ANKRD50: variants seen among roughly 807,000 people sequenced by gnomAD.
The protein encoded by ANKRD50 is ankyrin repeat domain 50.
ANKRD50 carries 40 observed loss-of-function variants against 112.0 expected under a neutral mutation model. The observed-to-expected ratio is 0.36, with a 90% confidence interval of 0.28 to 0.46. The LOEUF is 0.46. Ranked by LOEUF, ANKRD50 falls within the 20% of genes least tolerant of loss-of-function variation. The pLI, the probability that ANKRD50 is intolerant of heterozygous loss-of-function variation, is 1.00. For missense variants in ANKRD50, 1,487 were observed against 1,701.7 expected, an observed-to-expected ratio of 0.87 and a Z score of 2.22; for synonymous variants, 613 against 619.1, an observed-to-expected ratio of 0.99 and a Z score of 0.15.
intron 2 of ANKRD50, 47 bp downstream of exon 2, chr4:124,709,953 T>C (rs752698635): frequency 3.7e-5 from 58 of 1,549,364 alleles, no homozygotes; most frequent in Non-Finnish European, 4.7e-5. Flanking sequence ...AAAAATTAAT[T>C]TAATTTCAGC....
chr4:124,678,351 G>A lies in ANKRD50; in HGVS notation c.742+325C>T, dbSNP rs189035706. 7.9e-5 allele frequency among the ~76,000 whole-genome samples: 12 copies of A among 152,082 alleles called. 1 individual carries two copies. In the South Asian group the frequency reaches 2.5e-3, roughly 32 times the overall value. ...TGTGCTTTTATATATTACATAGACT[G>A]TAATCTCAAACATCAGAAAAAGGTT... On this transcript the variant is annotated intron_variant, in intron 3 of 4. Transcript: ENST00000504087.
intron 2 of ANKRD50, among the ~76,000 whole-genome samples, chr4:124,688,817 T>C (rs569838229): frequency 2.0e-5 from 3 of 152,286 alleles, no homozygotes; most frequent in South Asian, 2.1e-4. Flanking sequence ...TGACCAACAA[T>C]TGGCGCCTTA....
chr4:124,696,154 AAAG>A (rs1560829151), intron 2 of ANKRD50, among the ~76,000 whole-genome samples: 1 of 152,088 alleles, frequency 6.6e-6, no homozygotes, highest in African/African-American at 2.4e-5. Flanking sequence ...AAAAATAGAT[AAAG>A]AATTATAATT....
At chr4:124,707,225 G>T (rs1725526350) in intron 2 of ANKRD50, among the ~76,000 whole-genome samples, 2 of 151,762 alleles carry the variant, frequency 1.3e-5, no homozygotes, top group Admixed American at 1.3e-4. Context: ...TCAAAATATT[G>T]TAACTCTTTG....
In ANKRD50 at chr4:124,666,253, C is replaced by G. The variant is rs1156784113; in HGVS notation, c.*1265G>C. On this transcript the variant is annotated 3_prime_UTR_variant, in exon 5 of 5. Coordinates refer to ENST00000504087, the MANE Select transcript of ANKRD50 (RefSeq NM_020337.3). ...TGCTCATTTGAACCAATTTTACCTTCCTTGTCATGAATTTCTCTCTTAACC... is the reference window on the plus strand; with the variant it reads ...TGCTCATTTGAACCAATTTTACCTTGCTTGTCATGAATTTCTCTCTTAACC... The G allele has an allele frequency of 6.6e-6, 1 of 152,460 alleles. No homozygotes were observed. Among genetic ancestry groups the G allele is most frequent in the Non-Finnish European group, 1.5e-5 (1 of 67,928 alleles). 9.4% of individuals were successfully genotyped at this position (152,460 alleles called of 1,614,324 possible).
rs780715353 is a variant in ANKRD50, at chr4:124,670,157, A to G, written c.3120T>C (p.His1040=). The G allele has an allele frequency of 6.2e-7, 1 of 1,612,052 alleles. No homozygotes were observed. The highest frequency in any genetic ancestry group is 2.2e-5 in the East Asian group (1 of 44,836). Reference sequence around the variant, plus strand: ...GTGCAGTTGCACCTTGGTTACATGTATGGTCAACTACAGCACCATGCTCAA... The same window carrying G: ...GTGCAGTTGCACCTTGGTTACATGTGTGGTCAACTACAGCACCATGCTCAA... ...LLIEHGAVVD[H]TCNQGATALC... Residue 1040 remains histidine (H), a synonymous_variant, in exon 4 of 5, where the codon CAT becomes CAC. Transcript: ENST00000504087.
intron 2 of ANKRD50, among the ~76,000 whole-genome samples, chr4:124,691,632 G>C (rs1364853288): frequency 1.5e-4 from 23 of 151,772 alleles, no homozygotes. Flanking sequence ...TTTGTAGCAA[G>C]GATTTCCCAT....
intron 2 of ANKRD50, among the ~76,000 whole-genome samples, chr4:124,689,229 T>C (rs1725077821): frequency 6.6e-6 from 1 of 152,174 alleles, no homozygotes; most frequent in South Asian, 2.1e-4. Context: ...TATAAATATT[T>C]ATGGAATGAA....
Position 124,669,809 on chromosome 4 carries a change from C to A in ANKRD50, c.3468G>T (p.Gly1156=), listed in dbSNP as rs1730588963. ...AAGGAGAACTAAAAGCATGAGTAGG[C>A]CCATTAGGTAAACCACGTAACGAAG... ...MQPSLRGLPN[G]PTHAFSSPSE... Residue 1156 remains glycine (G), a synonymous_variant, in exon 4 of 5, where the codon GGG becomes GGT. Coordinates refer to ENST00000504087, the MANE Select transcript of ANKRD50 (RefSeq NM_020337.3). 1 of 1,613,002 alleles carries A rather than the reference C, an allele frequency of 6.2e-7. No homozygotes were observed. The highest frequency in any genetic ancestry group is 8.5e-7 in the Non-Finnish European group (1 of 1,179,656).
At chr4:124,709,376 G>GA (rs1725577470) in intron 2 of ANKRD50, among the ~76,000 whole-genome samples, 1 of 151,904 alleles carries the variant, frequency 6.6e-6, no homozygotes, top group South Asian at 2.1e-4. Context: ...CTGAAGTTAG[G>GA]AAAAAACACT....
Position 124,710,791 on chromosome 4 carries a change from A to C in ANKRD50, c.-280T>G, listed in dbSNP as rs1197692644. On this transcript the variant is annotated 5_prime_UTR_variant, in exon 2 of 5. Coordinates refer to ENST00000504087, the MANE Select transcript of ANKRD50 (RefSeq NM_020337.3). ...TTCCTAAATTTTAATGAGTCACATA[A>C]CTCCATGGTTATAACTGGAGTTTAT... 2.1e-5 allele frequency: 10 copies of C among 485,124 alleles called. No homozygotes were observed. The highest frequency in any genetic ancestry group is 3.3e-5 in the Non-Finnish European group (9 of 274,490). The allele number at this position is 485,124 out of a possible 1,614,324, so 30.1% of individuals were successfully genotyped here. A position where few individuals can be genotyped will look rare whatever the true frequency, so the allele number is the denominator to read the frequency against.
chr4:124,687,882 C>T (rs1725043852), intron 2 of ANKRD50, among the ~76,000 whole-genome samples: 1 of 152,196 alleles, frequency 6.6e-6, no homozygotes, highest in African/African-American at 2.4e-5. Flanking sequence ...TGGTGCAGAG[C>T]AATGGCATAG....
At chr4:124,704,909 A>T (rs1482535845) in intron 2 of ANKRD50, among the ~76,000 whole-genome samples, 1 of 152,186 alleles carries the variant, frequency 6.6e-6, no homozygotes, top group Non-Finnish European at 1.5e-5. Context: ...CTTGGCTAAC[A>T]TGGTGAAACC....
intron 2 of ANKRD50, among the ~76,000 whole-genome samples, chr4:124,705,394 C>T (rs982092830): frequency 6.6e-6 from 1 of 152,136 alleles, no homozygotes; most frequent in Admixed American, 6.5e-5. Flanking sequence ...TACACTTAAC[C>T]CGTGTTACCC....
Position 124,672,543 on chromosome 4 carries a change from G to C in ANKRD50, c.743-9C>G. 6.4e-7 allele frequency: 1 copy of C among 1,552,824 alleles called. No homozygotes were observed. The highest frequency in any genetic ancestry group is 2.3e-5 in the East Asian group (1 of 43,990). On this transcript the variant is annotated splice_polypyrimidine_tract_variant and intron_variant, in intron 3 of 4. Transcript: ENST00000504087. ...ACTTATTTTTCGAAAACCTAAAGAA[G>C]AGATAAAAAAGTAGATGTAATCAGT...
intron 2 of ANKRD50, among the ~76,000 whole-genome samples, chr4:124,699,226 CA>C (rs1725329183): frequency 7.0e-6 from 1 of 143,474 alleles, no homozygotes; most frequent in South Asian, 2.2e-4. Flanking sequence ...TAAAACAAGA[CA>C]GAAAATTCAG....
intron 2 of ANKRD50, among the ~76,000 whole-genome samples, chr4:124,679,643 C>T (rs1724829390): frequency 6.6e-6 from 1 of 152,152 alleles, no homozygotes; most frequent in Non-Finnish European, 1.5e-5. Context: ...GCAGATACAA[C>T]AGTGAAGAGG....
chr4:124,669,328 C>T lies in ANKRD50; in HGVS notation c.3949G>A (p.Ala1317Thr). 6.2e-7 allele frequency: 1 copy of T among 1,613,706 alleles called. No individual in the cohort carries two copies. The highest frequency in any genetic ancestry group is 8.5e-7 in the Non-Finnish European group (1 of 1,179,816). The change falls in exon 4 of 5, where the codon GCA (alanine) becomes ACA (threonine). Residue 1317 changes from alanine to threonine, a missense_variant. Physicochemically the swap from Ala to Thr is moderately conservative, Grantham distance 58 (BLOSUM62 0). Coordinates refer to ENST00000504087, the MANE Select transcript of ANKRD50 (RefSeq NM_020337.3). ...TCTGCTGGCATTTGTTTAGGTGGTGCAGCAGTCCCGGATTTGGCTATAGGT... is the reference window on the plus strand; with the variant it reads ...TCTGCTGGCATTTGTTTAGGTGGTGTAGCAGTCCCGGATTTGGCTATAGGT... ...RGPIAKSGTA[A>T]PPKQMPAESQ...
At position 124,672,462 on chromosome 4, in the gene ANKRD50, T is replaced by A. The variant is rs564882037; in HGVS notation, c.815A>T (p.His272Leu). 1 of 1,612,116 alleles carries A rather than the reference T, an allele frequency of 6.2e-7. No homozygotes were observed. Among genetic ancestry groups the A allele is most frequent in the Non-Finnish European group, 8.5e-7 (1 of 1,179,188 alleles). Reference protein sequence around the residue: ...IVKDVQQYILHRLDQEEALRQ... With the variant: ...IVKDVQQYILLRLDQEEALRQ... Reference sequence around the variant, plus strand: ...CAAAGCTTCTTCTTGATCTAAACGATGAAGAATGTACTGCTGAACATCCTT... The same window carrying A: ...CAAAGCTTCTTCTTGATCTAAACGAAGAAGAATGTACTGCTGAACATCCTT... Residue 272 changes from histidine to leucine, a missense_variant, in exon 4 of 5, where the codon CAT becomes CTT. Transcript: ENST00000504087.
Sources: gnomAD v4.1 joint callset for allele counts (sites outside exome capture counted in the v4.1 genomes callset) on GRCh38, gnomAD v4.1.1 for gene constraint, MANE v1.5 for transcripts, NCBI Gene and HGNC (gene_info 2026-07-23, HGNC 2026-07-21) for gene names.